Variants in SNX29 observed in about 807,000 individuals in gnomAD.
SNX29 encodes the protein sorting nexin 29.
SNX29 carries 78 observed loss-of-function variants against 102.1 expected under a neutral mutation model. The ratio of observed to expected loss-of-function variants is 0.76; its 90% confidence interval spans 0.64 to 0.92. SNX29 has a LOEUF of 0.92. Ranked by LOEUF, SNX29 falls within the 40% of genes least tolerant of loss-of-function variation. SNX29 has a pLI of 0.00. For synonymous variants in SNX29, 580 were observed against 414.5 expected, an observed-to-expected ratio of 1.40 and a Z score of -4.85; for missense variants, 1,280 against 1,061.7, an observed-to-expected ratio of 1.21 and a Z score of -2.86.
intron 15 of SNX29, among the ~76,000 whole-genome samples, chr16:12,280,006 C>A (rs1394722438): frequency 6.6e-6 from 1 of 152,216 alleles, no homozygotes; most frequent in East Asian, 1.9e-4. Context: ...CGTGGAGATT[C>A]TCCACCTGTG....
At chr16:12,065,593 C>T (rs2050997406) in intron 9 of SNX29, among the ~76,000 whole-genome samples, 1 of 152,200 alleles carries the variant, frequency 6.6e-6, no homozygotes, top group African/African-American at 2.4e-5. Context: ...AGGTTGAGGA[C>T]AGACTGTGGT....
At chr16:12,153,441 C>G (rs1210630843) in intron 13 of SNX29, among the ~76,000 whole-genome samples, 2 of 150,636 alleles carry the variant, frequency 1.3e-5, no homozygotes, top group Non-Finnish European at 3.0e-5. Flanking sequence ...TTCTCTCACG[C>G]TCCCTCTGAA....
intron 7 of SNX29, among the ~76,000 whole-genome samples, chr16:12,050,547 C>T (rs1359988697): frequency 6.6e-6 from 1 of 152,120 alleles, no homozygotes; most frequent in Non-Finnish European, 1.5e-5. Flanking sequence ...ATCCACGTGT[C>T]TGGAATCAGT....
At chr16:12,167,643 T>C (rs981511741) in intron 13 of SNX29, among the ~76,000 whole-genome samples, 8 of 152,126 alleles carry the variant, frequency 5.3e-5, no homozygotes, top group African/African-American at 1.9e-4. Context: ...TTTCAGACAT[T>C]CTTTTAATCC....
At chr16:12,017,895 G>A (rs1362430169) in intron 3 of SNX29, among the ~76,000 whole-genome samples, 1 of 151,804 alleles carries the variant, frequency 6.6e-6, no homozygotes, top group East Asian at 1.9e-4. Context: ...TTTGGGTGGG[G>A]GGGCTTTCTT....
chr16:12,550,791 G>A (rs542471625), intron 20 of SNX29, among the ~76,000 whole-genome samples: 1 of 93,420 alleles, frequency 1.1e-5, no homozygotes. Context: ...GCTGAGATAA[G>A]GAAGAGGGAG....
At chr16:12,345,654 G>A (rs40994) in intron 15 of SNX29, among the ~76,000 whole-genome samples, 17 of 152,312 alleles carry the variant, frequency 1.1e-4, no homozygotes, top group Non-Finnish European at 2.4e-4. Context: ...TGAATGGATC[G>A]AAGGCGTTGG....
chr16:12,547,022 C>T (rs746112464), intron 20 of SNX29, among the ~76,000 whole-genome samples: 3 of 151,082 alleles, frequency 2.0e-5, no homozygotes, highest in East Asian at 2.0e-4. Flanking sequence ...AGTTCAACAG[C>T]AGATAAAGCA....
At chr16:12,552,952 G>A (rs1448701740) in intron 20 of SNX29, among the ~76,000 whole-genome samples, 3 of 152,236 alleles carry the variant, frequency 2.0e-5, no homozygotes, top group South Asian at 4.1e-4. Flanking sequence ...ACGTCATCAG[G>A]AACATGGATT....
intron 18 of SNX29, among the ~76,000 whole-genome samples, chr16:12,432,931 C>G (rs1252805368): frequency 6.6e-6 from 1 of 152,184 alleles, no homozygotes; most frequent in Admixed American, 6.5e-5. Flanking sequence ...CTTTGGTGGA[C>G]CGGACCTGGT....
chr16:12,116,315 T>G (rs1472354279), intron 11 of SNX29, among the ~76,000 whole-genome samples: 1 of 152,230 alleles, frequency 6.6e-6, no homozygotes, highest in Non-Finnish European at 1.5e-5. Flanking sequence ...TAAATGTCCA[T>G]TATCTGAAGA....
chr16:12,234,808 G>A (rs902323805), intron 14 of SNX29, among the ~76,000 whole-genome samples: 3 of 152,140 alleles, frequency 2.0e-5, no homozygotes, highest in African/African-American at 7.2e-5. Flanking sequence ...GGCTATGTCC[G>A]TCTGCCTACT....
In SNX29 at chr16:12,568,618, G is replaced by A. The variant is rs373665690; in HGVS notation, c.2431G>A (p.Gly811Ser). The A allele has an allele frequency of 9.7e-5, 156 of 1,603,518 alleles. No homozygotes were observed. Among genetic ancestry groups the A allele is most frequent in the Middle Eastern group, 1.6e-4 (1 of 6,082 alleles). The part of the protein sequence containing the change: ...RETRNVEPQS[G>S]DL The stretch of plus-strand genomic sequence containing the variant: ...GACCCGCAACGTGGAGCCCCAGAGC[G>A]GTGACCTCTGACCTCGACAAAACCG... Residue 811 changes from glycine to serine, a missense_variant, in exon 21 of 21, where the codon GGT becomes AGT. By Grantham distance (56) the Gly-to-Ser change is moderately conservative. Coordinates refer to ENST00000566228, the MANE Select transcript of SNX29 (RefSeq NM_032167.5).
At chr16:12,209,549 C>A (rs1434474367) in intron 14 of SNX29, among the ~76,000 whole-genome samples, 1 of 152,120 alleles carries the variant, frequency 6.6e-6, no homozygotes, top group African/African-American at 2.4e-5. Flanking sequence ...GCTCGAGACC[C>A]CTCATTTCTG....
rs1295318474 is a variant in SNX29, at chr16:12,565,984, C to G, written c.2319-2522C>G. On this transcript the variant is annotated intron_variant, in intron 20 of 20. Coordinates refer to ENST00000566228, the MANE Select transcript of SNX29 (RefSeq NM_032167.5). Reference sequence around the variant, plus strand: ...ACACTGTGGCTTTCCAAACCTGAGACCACTTCTGCACCCCTTCATGCCCAG... The same window carrying G: ...ACACTGTGGCTTTCCAAACCTGAGAGCACTTCTGCACCCCTTCATGCCCAG... 2.0e-5 allele frequency among the ~76,000 whole-genome samples: 3 copies of G among 152,172 alleles called. No homozygotes were observed. In the East Asian group the frequency reaches 5.8e-4, roughly 29 times the overall value.
intron 16 of SNX29, among the ~76,000 whole-genome samples, chr16:12,380,499 T>C (rs902471205): frequency 5.4e-3 from 74 of 13,604 alleles, no homozygotes; most frequent in Non-Finnish European, 7.9e-3. Flanking sequence ...TCCATCCACC[T>C]ATCCACCTAC....
chr16:12,217,397 T>C (rs2077352379), intron 14 of SNX29, among the ~76,000 whole-genome samples: 1 of 152,226 alleles, frequency 6.6e-6, no homozygotes. Context: ...GAGGAGGTTC[T>C]GGCTTTGCTA....
At chr16:12,564,992 C>T (rs1598097765) in intron 20 of SNX29, among the ~76,000 whole-genome samples, 1 of 151,670 alleles carries the variant, frequency 6.6e-6, no homozygotes, top group African/African-American at 2.4e-5. Flanking sequence ...CTTCCGACTA[C>T]AGCCCATGTC....
chr16:12,477,618 G>C (rs954027689), intron 18 of SNX29, 101 bp from the exon 19 acceptor site: 16 of 1,388,952 alleles, frequency 1.2e-5, no homozygotes, highest in Non-Finnish European at 1.6e-5. Flanking sequence ...ACACAGATGT[G>C]ACTCTTGCTG....
Sources: allele counts gnomAD v4.1 joint callset (sites outside exome capture counted in the v4.1 genomes callset), GRCh38; gene constraint gnomAD v4.1.1; transcripts MANE v1.5; gene names NCBI Gene and HGNC (gene_info 2026-07-23, HGNC 2026-07-21).